Variants in ANKUB1 observed in about 807,000 individuals in gnomAD.
ANKUB1 encodes protein ANKUB1.
In ANKUB1, 42 loss-of-function variants were observed where a neutral mutation model predicts 49.3. The ratio of observed to expected loss-of-function variants is 0.85; its 90% CI spans 0.67 to 1.10. The LOEUF is 1.10. Ranked by LOEUF, ANKUB1 falls within the 50% of genes least tolerant of loss-of-function variation. ANKUB1 has a pLI of 0.00. For missense variants in ANKUB1, 613 were observed against 642.0 expected, an observed-to-expected ratio of 0.95 and a Z score of 0.49; for synonymous variants, 222 against 231.0, an observed-to-expected ratio of 0.96 and a Z score of 0.35.
At position 149,761,553 on chromosome 3, in the gene ANKUB1, C is replaced by G. The variant is rs1436267728; in HGVS notation, c.1566G>C (p.Lys522Asn). 3 of 1,551,410 alleles carry G rather than the reference C, an allele frequency of 1.9e-6. No homozygotes were observed. Among genetic ancestry groups the G allele is most frequent in the Admixed American group, 2.0e-5 (1 of 50,998 alleles). The change falls in exon 6 of 6, where the codon AAG (lysine) becomes AAC (asparagine). Residue 522 changes from lysine to asparagine, a missense_variant. By Grantham distance (94) the Lys-to-Asn change is moderately conservative. Transcript: ENST00000446160. ...QLEIARVLAK[K>N]SISNLTTRGG... The stretch of plus-strand genomic sequence containing the variant: ...CTCGGGTAGTCAAGTTAGAAATGCT[C>G]TTTTTGGCCAGGACTCTTGCTATTT...
Position 149,761,567 on chromosome 3 carries a change from C to T in ANKUB1, c.1552G>A (p.Val518Ile). 6.4e-7 allele frequency: 1 copy of T among 1,551,344 alleles called. No homozygotes were observed. The highest frequency in any genetic ancestry group is 8.7e-7 in the Non-Finnish European group (1 of 1,146,796). Residue 518 changes from valine to isoleucine, a missense_variant, in exon 6 of 6, where the codon GTC becomes ATC. Physicochemically the swap from Val to Ile is conservative, Grantham distance 29. Coordinates refer to ENST00000446160, the MANE Select transcript of ANKUB1 (RefSeq NM_001144960.3). ...TTAGAAATGCTCTTTTTGGCCAGGACTCTTGCTATTTCTAACTGCTGAAGC... is the reference window on the plus strand; with the variant it reads ...TTAGAAATGCTCTTTTTGGCCAGGATTCTTGCTATTTCTAACTGCTGAAGC... ...RWLQQLEIAR[V>I]LAKKSISNLT... is the part of the protein sequence containing the mutation.
intron 4 of ANKUB1, 22 bp from the exon 5 acceptor site, chr3:149,768,117 G>T: frequency 7.5e-7 from 1 of 1,333,592 alleles, no homozygotes; most frequent in Non-Finnish European, 9.7e-7. Context: ...AAACAAGTGG[G>T]GAGGGGGTGT....
At chr3:149,787,754 G>A (rs766602024) in intron 2 of ANKUB1, among the ~76,000 whole-genome samples, 4 of 152,166 alleles carry the variant, frequency 2.6e-5, no homozygotes, top group Non-Finnish European at 5.9e-5. Flanking sequence ...TCTAAAGAAT[G>A]TATTTAACAG....
chr3:149,772,022 TCC>T (rs1406339528), intron 3 of ANKUB1, among the ~76,000 whole-genome samples: 1 of 148,674 alleles, frequency 6.7e-6, no homozygotes, highest in Non-Finnish European at 1.5e-5. Context: ...CCTCCATCCT[TCC>T]TTTTTTTTTT....
At chr3:149,769,963 C>T (rs1335590419) in intron 4 of ANKUB1, among the ~76,000 whole-genome samples, 1 of 152,142 alleles carries the variant, frequency 6.6e-6, no homozygotes, top group African/African-American at 2.4e-5. Flanking sequence ...TTTCTTCCAC[C>T]TCTGCCACAC....
chr3:149,780,581 T>C, intron 2 of ANKUB1, 126 bp from the exon 3 acceptor site: 1 of 684,208 alleles, frequency 1.5e-6, no homozygotes. Context: ...CAATAGTCAG[T>C]TGAGTTCTCT....
rs1215277976 is a variant in ANKUB1, at chr3:149,786,256, C to T, written c.234+4525G>A. ...TTCACTGTGTTAGCCAGGATGGTCT[C>T]GAGCTCCTGACCTCATGATCTACCC... On this transcript the variant is annotated intron_variant, in intron 2 of 5. Coordinates refer to ENST00000446160, the MANE Select transcript of ANKUB1 (RefSeq NM_001144960.3). 4.6e-5 allele frequency among the ~76,000 whole-genome samples: 7 copies of T among 152,130 alleles called. No individual in the cohort carries two copies. In the South Asian group the frequency reaches 8.3e-4, roughly 18 times the overall value.
intron 5 of ANKUB1, chr3:149,764,078 C>G (rs937251283): frequency 6.6e-6 from 3 of 454,956 alleles, no homozygotes; most frequent in Non-Finnish European, 1.3e-5. Context: ...TTCCCCATTT[C>G]CTGGCTATGA....
At position 149,761,236 on chromosome 3, in the gene ANKUB1, T is replaced by C. The variant is rs1716771345; in HGVS notation, c.*248A>G. 6.1e-6 allele frequency: 2 copies of C among 328,002 alleles called. No individual in the cohort carries two copies. The highest frequency in any genetic ancestry group is 1.1e-5 in the Non-Finnish European group (2 of 181,494). 20.3% of individuals were successfully genotyped at this position (328,002 alleles called of 1,614,324 possible). On this transcript the variant is annotated 3_prime_UTR_variant, in exon 6 of 6. Transcript: ENST00000446160. ...CCATTGTCTCAGCTCCCCTACCCTG[T>C]GGACAACTACTATTCTAAGTTTCTT...
At chr3:149,762,537 T>C (rs1164738015) in intron 5 of ANKUB1, among the ~76,000 whole-genome samples, 1 of 152,222 alleles carries the variant, frequency 6.6e-6, no homozygotes, top group African/African-American at 2.4e-5. Context: ...CTCTTTTCCC[T>C]AACTACTGTT....
At chr3:149,775,347 A>G (rs1297008860) in intron 3 of ANKUB1, among the ~76,000 whole-genome samples, 3 of 152,232 alleles carry the variant, frequency 2.0e-5, no homozygotes, top group Non-Finnish European at 2.9e-5. Flanking sequence ...AAGGCCATCA[A>G]TAAAAGCATA....
At position 149,780,292 on chromosome 3, in the gene ANKUB1, C is replaced by T. The variant is rs776950688; in HGVS notation, c.398G>A (p.Arg133Lys). 7 of 1,551,606 alleles carry T rather than the reference C, an allele frequency of 4.5e-6. No individual in the cohort carries two copies. The highest frequency in any genetic ancestry group is 6.1e-6 in the Non-Finnish European group (7 of 1,147,014). Reference protein sequence around the residue: ...PVSVYCLRTPRGLEMYDCNTL... With the variant: ...PVSVYCLRTPKGLEMYDCNTL... The stretch of plus-strand genomic sequence containing the variant: ...GTTGCAATCATACATCTCCAGGCCC[C>T]TTGGGGTTCGGAGACAGTAGACACT... Residue 133 changes from arginine (R) to lysine (K), a missense_variant, in exon 3 of 6, where the codon AGG becomes AAG. Coordinates refer to ENST00000446160, the MANE Select transcript of ANKUB1 (RefSeq NM_001144960.3).
In ANKUB1 at chr3:149,767,489, A is replaced by T. The variant is rs1717089917; in HGVS notation, c.1173T>A (p.Asn391Lys). Reference sequence around the variant, plus strand: ...TGTCCGGCTGTGAAATTGCCAAAGGATTGACAGGTTTGCTGCTTGCAGTTT... The same window carrying T: ...TGTCCGGCTGTGAAATTGCCAAAGGTTTGACAGGTTTGCTGCTTGCAGTTT... ...SKQTASSKPV[N>K]PLAISQPDTR... Residue 391 changes from asparagine to lysine, a missense_variant, in exon 5 of 6, where the codon AAT becomes AAA. Asn to Lys is a moderately conservative substitution (Grantham distance 94, BLOSUM62 0). Coordinates refer to ENST00000446160, the MANE Select transcript of ANKUB1 (RefSeq NM_001144960.3). 1 of 1,551,534 alleles carries T rather than the reference A, an allele frequency of 6.4e-7. No individual in the cohort carries two copies. The highest frequency in any genetic ancestry group is 1.4e-5 in the African/African-American group (1 of 73,016).
intron 3 of ANKUB1, among the ~76,000 whole-genome samples, chr3:149,777,609 T>C (rs533911653): frequency 1.3e-5 from 2 of 152,352 alleles, no homozygotes; most frequent in African/African-American, 4.8e-5. Context: ...TTGGCTGTGT[T>C]TCCCAGTGCT....
At chr3:149,776,022 T>G (rs1717580216) in intron 3 of ANKUB1, among the ~76,000 whole-genome samples, 1 of 152,138 alleles carries the variant, frequency 6.6e-6, no homozygotes, top group African/African-American at 2.4e-5. Flanking sequence ...TATGATAAGT[T>G]AGTCATTAGA....
chr3:149,783,225 A>G (rs1179021371), intron 2 of ANKUB1: 1 of 152,190 alleles, frequency 6.6e-6, no homozygotes, highest in African/African-American at 2.4e-5. Flanking sequence ...AATCCACCTT[A>G]TCCACATAAG....
At chr3:149,762,450 T>C (rs182651717) in intron 5 of ANKUB1, among the ~76,000 whole-genome samples, 12 of 152,316 alleles carry the variant, frequency 7.9e-5, no homozygotes, top group Non-Finnish European at 1.3e-4. Context: ...AATTCCTTCT[T>C]TCTCTATTTC....
At chr3:149,773,806 T>C (rs1027169927) in intron 3 of ANKUB1, among the ~76,000 whole-genome samples, 10 of 152,092 alleles carry the variant, frequency 6.6e-5, no homozygotes, top group African/African-American at 1.4e-4. Context: ...CTACACAGTC[T>C]CCATTTGAAG....
intron 2 of ANKUB1, among the ~76,000 whole-genome samples, chr3:149,781,001 CTT>C (rs370353150): frequency 2.9e-4 from 39 of 132,762 alleles, no homozygotes; most frequent in Admixed American, 3.8e-4. Context: ...GTCTGTCTTC[CTT>C]TTTTTTTTTT....
Sources: gnomAD v4.1 joint callset for allele counts (sites outside exome capture counted in the v4.1 genomes callset) on GRCh38, gnomAD v4.1.1 for gene constraint, MANE v1.5 for transcripts, NCBI Gene and HGNC (gene_info 2026-07-23, HGNC 2026-07-21) for gene names.